Variants in WNT7B observed in about 807,000 individuals in gnomAD.
The protein encoded by WNT7B is Wnt family member 7B.
Under a neutral mutation model 38.2 loss-of-function variants are expected in WNT7B, and 19 were observed. The observed-to-expected ratio is 0.50, with a 90% CI of 0.35 to 0.73. The LOEUF (loss-of-function observed/expected upper bound fraction) is 0.73. Among genes scored for constraint, WNT7B ranks in the 30% least tolerant of loss-of-function variants. The pLI is 0.01. For missense variants in WNT7B, 423 were observed against 507.9 expected (o/e 0.83, Z 1.61); for synonymous variants, 243 against 209.3 (o/e 1.16, Z -1.39).
At chr22:45,926,129 C>T in intron 3 of WNT7B, 1 of 985,464 alleles carries the variant, frequency 1.0e-6, no homozygotes, top group Non-Finnish European at 1.2e-6. Context: ...CGAGGGGCCA[C>T]ATCCTCGCTT....
In WNT7B at chr22:45,922,151, A is replaced by G. The variant is rs953144949; in HGVS notation, c.*705T>C. 1 of 152,310 alleles carries G rather than the reference A, an allele frequency of 6.6e-6. No homozygotes were observed. The highest frequency in any genetic ancestry group is 2.4e-5 in the African/African-American group (1 of 41,462). The allele number at this position is 152,310 out of a possible 1,614,324, so 9.4% of individuals were successfully genotyped here. ...GCCCGGTCAGGGCTGTGTGGTCTGA[A>G]GAGCCCCTGCCCAGCTCACTTCTAG... On this transcript the variant is annotated 3_prime_UTR_variant, in exon 4 of 4. Coordinates refer to ENST00000339464, the MANE Select transcript of WNT7B (RefSeq NM_058238.3).
chr22:45,927,373 C>A (rs1931118950), intron 3 of WNT7B: 1 of 1,497,508 alleles, frequency 6.7e-7, no homozygotes, highest in African/African-American at 1.4e-5. Flanking sequence ...CGGGGGCGGG[C>A]CTCCAGACTC....
intron 1 of WNT7B, among the ~76,000 whole-genome samples, chr22:45,958,224 C>T (rs10448605): frequency 0.39 from 59,554 of 152,082 alleles, 12,131 homozygotes; most frequent in East Asian, 0.68. Context: ...AAGACCCTCA[C>T]CTGGGCGACA....
At chr22:45,941,428 T>C (rs1398738411) in intron 2 of WNT7B, among the ~76,000 whole-genome samples, 5 of 151,548 alleles carry the variant, frequency 3.3e-5, no homozygotes, top group South Asian at 2.1e-4. Context: ...GCAGAATCAC[T>C]TGAACCCAGG....
chr22:45,976,723 T>G lies in WNT7B; in HGVS notation c.32A>C (p.Tyr11Ser). The G allele has an allele frequency of 6.2e-7, 1 of 1,610,050 alleles. No individual in the cohort carries two copies. Among genetic ancestry groups the G allele is most frequent in the Non-Finnish European group, 8.5e-7 (1 of 1,177,772 alleles). MHRNFRKWIF[Y>S]VFLCFGVLYV... Reference sequence around the variant, plus strand: ...CAGGACGCCAAAGCAGAGAAACACGTAGAAAATCCACTTGCGAAAGTTTCT... The same window carrying G: ...CAGGACGCCAAAGCAGAGAAACACGGAGAAAATCCACTTGCGAAAGTTTCT... Residue 11 changes from tyrosine to serine, a missense_variant, in exon 1 of 4, where the codon TAC becomes TCC. Physicochemically the swap from Tyr to Ser is moderately radical, Grantham distance 144. Around this residue, in one of 3 missense-constraint regions of WNT7B, gnomAD observed 133 missense variants for 179.8 expected, o/e 0.74. Coordinates refer to ENST00000339464, the MANE Select transcript of WNT7B (RefSeq NM_058238.3). This position sits in a 1 kb window ranked among gnomAD's most constrained non-coding sequence, Gnocchi z 8.5.
At chr22:45,929,010 C>G (rs561606143) in intron 3 of WNT7B, among the ~76,000 whole-genome samples, 3 of 152,078 alleles carry the variant, frequency 2.0e-5, no homozygotes, top group African/African-American at 7.2e-5. Context: ...TCCAGGTCTG[C>G]TGCTCACTCT....
intron 3 of WNT7B, chr22:45,925,751 G>C: frequency 4.1e-6 from 4 of 985,382 alleles, no homozygotes; most frequent in Non-Finnish European, 4.8e-6. Flanking sequence ...CCCAGGAGCT[G>C]CCCTGATGGT....
intron 2 of WNT7B, among the ~76,000 whole-genome samples, chr22:45,936,346 C>T (rs900737776): frequency 7.9e-5 from 12 of 152,214 alleles, no homozygotes; most frequent in Admixed American, 1.3e-4. Context: ...AGTCCAGGGC[C>T]GGCTACGGGT....
At position 45,920,986 on chromosome 22, in the gene WNT7B, C is replaced by G. The variant is rs1930913347; in HGVS notation, c.*1870G>C. The G allele has an allele frequency of 1.3e-5, 2 of 152,286 alleles. No homozygotes were observed. Among genetic ancestry groups the G allele is most frequent in the African/African-American group, 4.8e-5 (2 of 41,406 alleles). The allele number at this position is 152,286 out of a possible 1,614,324, so 9.4% of individuals were successfully genotyped here. On this transcript the variant is annotated 3_prime_UTR_variant, in exon 4 of 4. Coordinates refer to ENST00000339464, the MANE Select transcript of WNT7B (RefSeq NM_058238.3). ...CGGTGGCCCGGAGACTCAGAGCGTCCAGGCATGGTTAGAGGCACATGGGCT... is the reference window on the plus strand; with the variant it reads ...CGGTGGCCCGGAGACTCAGAGCGTCGAGGCATGGTTAGAGGCACATGGGCT...
At chr22:45,948,172 C>T (rs537648840) in intron 2 of WNT7B, among the ~76,000 whole-genome samples, 3 of 152,356 alleles carry the variant, frequency 2.0e-5, no homozygotes, top group Non-Finnish European at 4.4e-5. Context: ...GAGGCAGGGG[C>T]ACCCACAGCT....
At chr22:45,933,372 G>A (rs1301749028) in intron 2 of WNT7B, among the ~76,000 whole-genome samples, 1 of 152,206 alleles carries the variant, frequency 6.6e-6, no homozygotes, top group East Asian at 1.9e-4. Context: ...TACCCACGCT[G>A]CCCGCTCCCT....
intron 2 of WNT7B, among the ~76,000 whole-genome samples, chr22:45,939,532 G>A (rs949625727): frequency 3.3e-5 from 5 of 152,126 alleles, no homozygotes; most frequent in Non-Finnish European, 5.9e-5. Flanking sequence ...AGTGGCTCAC[G>A]CCTGTAGTCC....
chr22:45,947,484 A>C lies in WNT7B; in HGVS notation c.298+2436T>G, dbSNP rs370435794. ...GGAGAAAGCTGGGGACAGGAGATTT[A>C]AGTAACGGGTGCTGAGTGTGTCAGG... On this transcript the variant is annotated intron_variant, in intron 2 of 3. Transcript: ENST00000339464. Among the ~76,000 whole-genome samples the C allele has an allele frequency of 3.3e-5, 5 of 152,180 alleles. No individual in the cohort carries two copies. In the East Asian group the frequency reaches 9.6e-4, roughly 29 times the overall value.
At chr22:45,958,284 G>A (rs1035162233) in intron 1 of WNT7B, among the ~76,000 whole-genome samples, 2 of 152,234 alleles carry the variant, frequency 1.3e-5, no homozygotes, top group Non-Finnish European at 2.9e-5. Flanking sequence ...AACATTCTCA[G>A]GAGCTTTGGG....
At chr22:45,971,373 G>A (rs1413504537) in intron 1 of WNT7B, among the ~76,000 whole-genome samples, 1 of 152,230 alleles carries the variant, frequency 6.6e-6, no homozygotes, top group African/African-American at 2.4e-5. Context: ...CAGAGCATAT[G>A]CGTCCCATTA....
At chr22:45,958,819 C>A (rs560205797) in intron 1 of WNT7B, among the ~76,000 whole-genome samples, 1 of 152,150 alleles carries the variant, frequency 6.6e-6, no homozygotes, top group African/African-American at 2.4e-5. Context: ...ACTTGTCCTC[C>A]TGGAGAGCCA....
At chr22:45,927,379 G>C in intron 3 of WNT7B, 1 of 1,505,598 alleles carries the variant, frequency 6.6e-7, no homozygotes, top group Non-Finnish European at 8.9e-7. Context: ...CGGGCCTCCA[G>C]ACTCTGCCCA....
chr22:45,940,137 A>C (rs1416329076), intron 2 of WNT7B, among the ~76,000 whole-genome samples: 2 of 152,168 alleles, frequency 1.3e-5, no homozygotes, highest in Non-Finnish European at 2.9e-5. Context: ...ATCTCACTGA[A>C]GCTGTGATGG....
chr22:45,940,079 G>A (rs74561165), intron 2 of WNT7B, among the ~76,000 whole-genome samples: 4 of 152,280 alleles, frequency 2.6e-5, no homozygotes, highest in East Asian at 1.9e-4. Flanking sequence ...ACTAAAGACC[G>A]TGGGCTTGTA....
Sources: gnomAD v4.1 joint callset for allele counts (sites outside exome capture counted in the v4.1 genomes callset) on GRCh38, gnomAD v4.1.1 for gene constraint, gnomAD v4.1.1 regional missense constraint, Gnocchi (gnomAD v3.1) non-coding constraint, MANE v1.5 for transcripts, NCBI Gene and HGNC (gene_info 2026-07-23, HGNC 2026-07-21) for gene names.